The following TOX2 variants were observed in gnomAD, a reference collection of about 807,000 sequenced individuals.
TOX2 encodes granulosa cell HMG box 1.
TOX2 carries 15 observed loss-of-function variants against 47.4 expected under a neutral mutation model. That is an observed-to-expected ratio of 0.32 (90% confidence interval 0.21 to 0.49). TOX2 has a LOEUF of 0.49. TOX2 is among the 20% of genes least tolerant of loss of function. The pLI is 0.99. For synonymous variants in TOX2, 290 were observed against 296.6 expected (o/e 0.98, Z 0.23); for missense variants, 622 against 673.1 (o/e 0.92, Z 0.84).
intron 1 of TOX2, among the ~76,000 whole-genome samples, chr20:43,927,683 T>TCCTTC (rs372483526): frequency 6.5e-3 from 585 of 89,902 alleles, no homozygotes; most frequent in East Asian, 0.019. Context: ...CTTTCTTCCT[T>TCCTTC]CCTTCCCTTC....
Position 44,065,992 on chromosome 20 carries a change from G to A in TOX2, c.1241G>A (p.Gly414Asp). ...QQLSLPPHAQ[G>D]ALLSPPVSMS... ...CTGTCACTGCCCCCTCACGCCCAGG[G>A]CGCCCTCCTCAGTCCACCTGTTAGC... is the stretch of plus-strand genomic sequence containing the variant. The change falls in exon 7 of 9, where the codon GGC (glycine) becomes GAC (aspartate). Residue 414 changes from glycine to aspartate, a missense_variant. Transcript: ENST00000341197. 1 of 1,612,954 alleles carries A rather than the reference G, an allele frequency of 6.2e-7. No individual in the cohort carries two copies. Among genetic ancestry groups the A allele is most frequent in the Non-Finnish European group, 8.5e-7 (1 of 1,179,836 alleles).
intron 1 of TOX2, among the ~76,000 whole-genome samples, chr20:43,940,651 T>G (rs558079680): frequency 6.6e-6 from 1 of 151,614 alleles, no homozygotes; most frequent in African/African-American, 2.4e-5. Context: ...GTCGCAGGGA[T>G]GGAGGGAGAA....
At chr20:43,946,005 A>T (rs772610821) in intron 1 of TOX2, 1 of 1,613,996 alleles carries the variant, frequency 6.2e-7, no homozygotes, top group African/African-American at 1.3e-5. Flanking sequence ...TACTTGCAAG[A>T]CACTGGTGCA....
intron 5 of TOX2, among the ~76,000 whole-genome samples, chr20:44,059,070 T>C (rs1402434860): frequency 6.6e-6 from 1 of 152,304 alleles, no homozygotes; most frequent in Non-Finnish European, 1.5e-5. Flanking sequence ...AGGTTGATTG[T>C]TAAGCTAATC....
chr20:43,927,870 C>A (rs1354620885), intron 1 of TOX2, among the ~76,000 whole-genome samples: 1 of 150,754 alleles, frequency 6.6e-6, no homozygotes, highest in East Asian at 2.0e-4. Context: ...AGGTGCCAGG[C>A]AGGAACAGGT....
chr20:43,949,413 T>A (rs2069522517), intron 1 of TOX2, among the ~76,000 whole-genome samples: 1 of 152,220 alleles, frequency 6.6e-6, no homozygotes, highest in African/African-American at 2.4e-5. Context: ...GAGAACCACC[T>A]GATGCGCACA....
intron 3 of TOX2, among the ~76,000 whole-genome samples, chr20:44,017,410 C>CT (rs1168564359): frequency 6.6e-6 from 1 of 152,164 alleles, no homozygotes; most frequent in Non-Finnish European, 1.5e-5. Context: ...CCGGCTTTCC[C>CT]TGGGGCTGTT....
At chr20:44,051,072 G>A (rs748127330) in intron 3 of TOX2, among the ~76,000 whole-genome samples, 5 of 152,230 alleles carry the variant, frequency 3.3e-5, no homozygotes, top group Non-Finnish European at 7.3e-5. Flanking sequence ...CGAGGTGAAT[G>A]TCAGTAGAAT....
At chr20:43,935,902 G>C (rs941169794) in intron 1 of TOX2, among the ~76,000 whole-genome samples, 1 of 125,846 alleles carries the variant, frequency 7.9e-6, no homozygotes, top group Non-Finnish European at 1.6e-5. Flanking sequence ...ACTCCAGCCT[G>C]GGCAACAAGA....
At chr20:44,022,960 C>T (rs547650673) in intron 3 of TOX2, among the ~76,000 whole-genome samples, 26 of 146,670 alleles carry the variant, frequency 1.8e-4, no homozygotes, top group Non-Finnish European at 3.3e-4. Flanking sequence ...AGGCACCAGA[C>T]GGGATTAGAT....
At chr20:44,005,281 C>T (rs746361164) in intron 2 of TOX2, among the ~76,000 whole-genome samples, 13 of 152,286 alleles carry the variant, frequency 8.5e-5, no homozygotes, top group East Asian at 3.9e-4. Context: ...TTACTCTGTC[C>T]GCTGTGCACA....
chr20:44,052,730 C>A (rs1452592569), intron 4 of TOX2, among the ~76,000 whole-genome samples: 2 of 152,168 alleles, frequency 1.3e-5, no homozygotes, highest in African/African-American at 4.8e-5. Context: ...GACACTGAGG[C>A]ACAGAGAGGT....
In TOX2 at chr20:44,035,088, A is replaced by G. The variant is rs151040854; in HGVS notation, c.412-16218A>G. ...TCAGTGCCTCTCGGACCTACCTGGT[A>G]GATTTGGCCACTGCCATAGACTGTA... On this transcript the variant is annotated intron_variant, in intron 3 of 8. Transcript: ENST00000341197. 5.8e-3 allele frequency among the ~76,000 whole-genome samples: 885 copies of G among 152,348 alleles called. 3 individuals are homozygous for G. Among genetic ancestry groups the G allele is most frequent in the Middle Eastern group, 0.037 (11 of 294 alleles).
intron 1 of TOX2, among the ~76,000 whole-genome samples, chr20:43,933,008 C>T (rs144304858): frequency 4.6e-5 from 7 of 152,276 alleles, no homozygotes; most frequent in East Asian, 1.9e-4. Flanking sequence ...AATTGACTAA[C>T]GCAGACCCTG....
In TOX2 at chr20:43,914,880, G is replaced by A. The variant is rs1394963835; in HGVS notation, c.-12G>A. On this transcript the variant is annotated 5_prime_UTR_variant, in exon 1 of 9. Transcript: ENST00000341197. This position sits in a 1 kb window ranked among gnomAD's most constrained non-coding sequence, Gnocchi z 4.5. ...GCCCGCGGGAGCCGCCGCCGCCGCC[G>A]CCGCGCCCGCCATGGACGTCCGCCT... 2.0e-6 allele frequency: 2 copies of A among 1,007,802 alleles called. No homozygotes were observed. Among genetic ancestry groups the A allele is most frequent in the East Asian group, 9.9e-5 (1 of 10,124 alleles). 62.4% of individuals were successfully genotyped at this position (1,007,802 alleles called of 1,614,324 possible).
intron 2 of TOX2, among the ~76,000 whole-genome samples, chr20:43,994,388 G>A (rs113765755): frequency 0.066 from 9,939 of 150,764 alleles, 428 homozygotes; most frequent in African/African-American, 0.12. Flanking sequence ...GAGCCCAGGA[G>A]TCAGAGGCTG....
intron 1 of TOX2, among the ~76,000 whole-genome samples, chr20:43,922,629 GT>G (rs1375898151): frequency 2.6e-5 from 4 of 152,216 alleles, no homozygotes; most frequent in Non-Finnish European, 5.9e-5. Flanking sequence ...AACCTAATGA[GT>G]TGTGGTAAAT....
intron 1 of TOX2, among the ~76,000 whole-genome samples, chr20:43,956,647 CTG>C (rs1353385903): frequency 6.6e-6 from 1 of 151,514 alleles, no homozygotes; most frequent in Non-Finnish European, 1.5e-5. Context: ...TTAAGCAAGA[CTG>C]TTTTAAGCCC....
chr20:43,980,504 A>G (rs1003428320), intron 2 of TOX2, among the ~76,000 whole-genome samples: 1 of 152,222 alleles, frequency 6.6e-6, no homozygotes, highest in South Asian at 2.1e-4. Flanking sequence ...CTGAAAGAGT[A>G]TAATTGGGTT....
Sources: allele counts gnomAD v4.1 joint callset (sites outside exome capture counted in the v4.1 genomes callset), GRCh38; gene constraint gnomAD v4.1.1; non-coding constraint Gnocchi (gnomAD v3.1); transcripts MANE v1.5; gene names NCBI Gene and HGNC (gene_info 2026-07-23, HGNC 2026-07-21).